Variants in FOXP2 observed in about 807,000 individuals in gnomAD.
FOXP2 encodes the protein forkhead box P2, also known as forkhead box protein P2.
A neutral mutation model predicts 115.8 loss-of-function variants in FOXP2; 12 were observed. The ratio of observed to expected loss-of-function variants is 0.10; its 90% confidence interval spans 0.07 to 0.17. The LOEUF (loss-of-function observed/expected upper bound fraction) is 0.17. FOXP2 is among the 10% of genes least tolerant of loss of function. The pLI is 1.00. For synonymous variants in FOXP2, 328 were observed against 297.7 expected (o/e 1.10, Z -1.05); for missense variants, 629 against 843.5 (o/e 0.75, Z 3.15).
At chr7:114,570,693 C>G in intron 3 of FOXP2, 1 of 778,078 alleles carries the variant, frequency 1.3e-6, no homozygotes, top group South Asian at 1.4e-5. Flanking sequence ...CCTATTTTGA[C>G]CTACCAAGAT....
rs567256042 is a variant in FOXP2 at position 114,224,320 on chromosome 7, A to T, written c.-102+61232A>T. On this transcript the variant is annotated intron_variant, in intron 1 of 17. Coordinates refer to the FOXP2 transcript ENST00000634411. ...TTGGATGAAAGCTTTTGGGATTTTC[A>T]TAGAAATAGCATTGACTCCATAAAT... 4.6e-5 allele frequency among the ~76,000 whole-genome samples: 7 copies of T among 152,262 alleles called. No homozygotes were observed. In the South Asian group the frequency reaches 1.5e-3, roughly 32 times the overall value.
At chr7:114,447,049 C>T (rs1326453646) in intron 2 of FOXP2, among the ~76,000 whole-genome samples, 1 of 152,050 alleles carries the variant, frequency 6.6e-6, no homozygotes, top group East Asian at 1.9e-4. Context: ...GGCACCTGGC[C>T]TCCTATCTTT....
chr7:114,506,002 T>C (rs555017470), intron 2 of FOXP2, among the ~76,000 whole-genome samples: 2 of 151,626 alleles, frequency 1.3e-5, no homozygotes, highest in African/African-American at 4.8e-5. Flanking sequence ...ATGACCAACC[T>C]TTTTATCTTT....
At chr7:114,328,778 A>G (rs1338195242) in intron 2 of FOXP2, among the ~76,000 whole-genome samples, 1 of 152,206 alleles carries the variant, frequency 6.6e-6, no homozygotes, top group Non-Finnish European at 1.5e-5. Flanking sequence ...TTCCTAGGCC[A>G]CTGCCCATTA....
intron 2 of FOXP2, among the ~76,000 whole-genome samples, chr7:114,428,687 G>T (rs1646996459): frequency 6.6e-6 from 1 of 151,344 alleles, no homozygotes; most frequent in South Asian, 2.1e-4. Context: ...TAAGGTTACT[G>T]AATTTTTTGT....
chr7:114,347,443 C>T (rs1205480547), intron 2 of FOXP2, among the ~76,000 whole-genome samples: 1 of 151,920 alleles, frequency 6.6e-6, no homozygotes, highest in East Asian at 1.9e-4. Flanking sequence ...ATTAGCACTA[C>T]CAGTTTATTC....
intron 2 of FOXP2, among the ~76,000 whole-genome samples, chr7:114,328,007 A>G (rs1235741733): frequency 2.6e-5 from 4 of 150,980 alleles, no homozygotes; most frequent in Admixed American, 2.6e-4. Context: ...TGCAGCCTCA[A>G]CTTTCTGGGA....
chr7:114,538,564 T>C (rs1799504652), intron 3 of FOXP2, among the ~76,000 whole-genome samples: 1 of 151,646 alleles, frequency 6.6e-6, no homozygotes. Context: ...CAAAAGAGAA[T>C]TAAACTTGGG....
chr7:114,400,701 T>C (rs934425810), intron 2 of FOXP2, among the ~76,000 whole-genome samples: 3 of 152,114 alleles, frequency 2.0e-5, no homozygotes, highest in Non-Finnish European at 4.4e-5. Flanking sequence ...CCTAGATTCC[T>C]AGCATGCACA....
intron 1 of FOXP2, among the ~76,000 whole-genome samples, chr7:114,095,106 C>T (rs943815063): frequency 2.0e-5 from 3 of 152,112 alleles, no homozygotes; most frequent in Non-Finnish European, 4.4e-5. Context: ...TATCCCACAT[C>T]GTTAAATAGC....
At chr7:114,437,326 T>C (rs1329968796) in intron 2 of FOXP2, among the ~76,000 whole-genome samples, 1 of 152,214 alleles carries the variant, frequency 6.6e-6, no homozygotes, top group Non-Finnish European at 1.5e-5. Context: ...GTAAGAATCT[T>C]TGTTTTATTT....
intron 3 of FOXP2, chr7:114,538,248 T>A: frequency 3.8e-6 from 4 of 1,063,152 alleles, no homozygotes; most frequent in Non-Finnish European, 5.2e-6. Flanking sequence ...ATTTTCAATT[T>A]TCTAGCCTAT....
intron 2 of FOXP2, among the ~76,000 whole-genome samples, chr7:114,530,291 CA>C (rs2129275050): frequency 6.6e-6 from 1 of 151,982 alleles, no homozygotes; most frequent in African/African-American, 2.4e-5. Flanking sequence ...TGAATATCAA[CA>C]TCAAATATGC....
intron 2 of FOXP2, among the ~76,000 whole-genome samples, chr7:114,475,545 C>A (rs983041330): frequency 3.3e-5 from 5 of 151,950 alleles, no homozygotes; most frequent in African/African-American, 1.2e-4. Context: ...GCCCTCTGAA[C>A]ATGACCATAG....
intron 1 of FOXP2, among the ~76,000 whole-genome samples, chr7:114,237,094 G>A (rs61673900): frequency 0.045 from 6,852 of 152,220 alleles, 460 homozygotes; most frequent in African/African-American, 0.15. Flanking sequence ...TTATTTGTGT[G>A]ATAGGCTGTG....
At chr7:114,491,584 G>A (rs1797056481) in intron 2 of FOXP2, among the ~76,000 whole-genome samples, 1 of 152,030 alleles carries the variant, frequency 6.6e-6, no homozygotes, top group Non-Finnish European at 1.5e-5. Flanking sequence ...CCTTGCCCAT[G>A]TCTATGTCCT....
At chr7:114,584,927 T>A (rs1802056801) in intron 3 of FOXP2, among the ~76,000 whole-genome samples, 1 of 152,246 alleles carries the variant, frequency 6.6e-6, no homozygotes, top group Non-Finnish European at 1.5e-5. Context: ...TAGCACAATG[T>A]CTGGCACATA....
intron 2 of FOXP2, among the ~76,000 whole-genome samples, chr7:114,434,032 A>G (rs969375275): frequency 2.0e-5 from 3 of 152,032 alleles, no homozygotes; most frequent in South Asian, 2.1e-4. Flanking sequence ...GAAATGGCTC[A>G]TAAGAGACCA....
intron 1 of FOXP2, among the ~76,000 whole-genome samples, chr7:114,120,841 C>G (rs1198597400): frequency 1.3e-5 from 2 of 152,002 alleles, no homozygotes; most frequent in Non-Finnish European, 1.5e-5. Context: ...TAAGGCCACA[C>G]AGCTGGTAAG....
Sources: allele counts gnomAD v4.1 joint callset (sites outside exome capture counted in the v4.1 genomes callset), GRCh38; gene constraint gnomAD v4.1.1; transcripts MANE v1.5; gene names NCBI Gene and HGNC (gene_info 2026-07-23, HGNC 2026-07-21).